FGF7: variants seen among roughly 807,000 people sequenced by gnomAD.
FGF7 encodes FGF-7.
Under a neutral mutation model 20.5 loss-of-function variants are expected in FGF7, and 6 were observed. The observed-to-expected ratio is 0.29, with a 90% CI of 0.16 to 0.58. The LOEUF (loss-of-function observed/expected upper bound fraction) is 0.58, where lower values mean the gene tolerates loss of function less well. Ranked by LOEUF, FGF7 falls within the 20% of genes least tolerant of loss-of-function variation. The pLI is 0.90. For missense variants in FGF7, 144 were observed against 228.8 expected (o/e 0.63, Z 2.39); for synonymous variants, 64 against 74.7 (o/e 0.86, Z 0.74).
chr15:49,455,584 G>T (rs1002067116), intron 2 of FGF7, among the ~76,000 whole-genome samples: 8 of 152,024 alleles, frequency 5.3e-5, no homozygotes, highest in Non-Finnish European at 2.9e-5. Context: ...TTATAAAAAA[G>T]TTTTTGGATT....
intron 2 of FGF7, among the ~76,000 whole-genome samples, chr15:49,429,083 A>G (rs906618052): frequency 6.6e-6 from 1 of 152,060 alleles, no homozygotes; most frequent in African/African-American, 2.4e-5. Flanking sequence ...CTTATATTCT[A>G]AACAGTTCTT....
chr15:49,482,145 A>G (rs2056008005), intron 2 of FGF7, among the ~76,000 whole-genome samples: 1 of 152,126 alleles, frequency 6.6e-6, no homozygotes, highest in Admixed American at 6.6e-5. Context: ...ATGTCTCAGG[A>G]CTGTACCTTC....
chr15:49,447,362 TAAG>T lies in FGF7; in HGVS notation c.286+22786_286+22788del, dbSNP rs368248224. On this transcript the variant is annotated intron_variant, in intron 2 of 3. Transcript: ENST00000267843. The stretch of plus-strand genomic sequence containing the variant: ...AATACATTTTGAGCTTCTGTGAGGT[TAAG>T]AAGAAGTAAGCAAAGATCACAGAGC... 2.3e-4 allele frequency among the ~76,000 whole-genome samples: 35 copies of T among 151,744 alleles called. No individual in the cohort carries two copies. In the East Asian group the frequency reaches 4.1e-3, roughly 18 times the overall value.
rs1440128302 is a variant in FGF7 at position 49,488,355 on chromosome 15, A to G, written c.*3851A>G. 2 of 151,978 alleles carry G rather than the reference A, an allele frequency of 1.3e-5. No individual in the cohort carries two copies. Among genetic ancestry groups the G allele is most frequent in the Non-Finnish European group, 2.9e-5 (2 of 67,934 alleles). 9.4% of individuals were successfully genotyped at this position (151,978 alleles called of 1,614,324 possible). On this transcript the variant is annotated 3_prime_UTR_variant, in exon 4 of 4. Transcript: ENST00000267843. The stretch of plus-strand genomic sequence containing the variant: ...AGGTCACTTGTTCCTTCAGGGACAC[A>G]TATACTCCCACCTATCCTTTAATTT...
At position 49,471,520 on chromosome 15, in the gene FGF7, T is replaced by C. The variant is rs940413131; in HGVS notation, c.287-11631T>C. On this transcript the variant is annotated intron_variant, in intron 2 of 3. Transcript: ENST00000267843. ...ATAATAATAATAATAATAATAATAA[T>C]AATAATAATAATATGGCAAATGTAA... Among the ~76,000 whole-genome samples, 132 of 147,716 alleles carry C rather than the reference T, an allele frequency of 8.9e-4. 4 individuals carry two copies. The South Asian group carries it at 0.027, about 30-fold the overall frequency.
intron 2 of FGF7, among the ~76,000 whole-genome samples, chr15:49,479,957 C>G (rs1358790164): frequency 6.6e-6 from 1 of 152,166 alleles, no homozygotes; most frequent in Non-Finnish European, 1.5e-5. Flanking sequence ...TTGAAAGGAA[C>G]ATCACTCCCC....
intron 2 of FGF7, among the ~76,000 whole-genome samples, chr15:49,438,902 A>G (rs991280324): frequency 2.0e-5 from 3 of 151,580 alleles, no homozygotes; most frequent in African/African-American, 7.3e-5. Context: ...AGAGAGAGAA[A>G]AAGAGAGAGA....
At chr15:49,440,902 A>G (rs2051575952) in intron 2 of FGF7, among the ~76,000 whole-genome samples, 1 of 151,784 alleles carries the variant, frequency 6.6e-6, no homozygotes, top group South Asian at 2.1e-4. Context: ...TAAGTTTTCT[A>G]TCAAGATGAT....
chr15:49,434,864 TAAA>T (rs1036091755), intron 2 of FGF7, among the ~76,000 whole-genome samples: 2 of 151,270 alleles, frequency 1.3e-5, no homozygotes, highest in Admixed American at 6.6e-5. Context: ...AATTAATTAA[TAAA>T]AAAGAGAACC....
chr15:49,464,533 T>C (rs900589370), intron 2 of FGF7, among the ~76,000 whole-genome samples: 1 of 152,158 alleles, frequency 6.6e-6, no homozygotes, highest in Admixed American at 6.6e-5. Flanking sequence ...AACATTTATA[T>C]ATAGGTAGGC....
intron 2 of FGF7, among the ~76,000 whole-genome samples, chr15:49,462,680 C>T (rs141761444): frequency 4.6e-5 from 7 of 152,290 alleles, no homozygotes; most frequent in African/African-American, 1.7e-4. Flanking sequence ...TCTATGACTG[C>T]TCTTCCTTCC....
chr15:49,476,061 T>C (rs1251602379), intron 2 of FGF7, among the ~76,000 whole-genome samples: 2 of 152,170 alleles, frequency 1.3e-5, no homozygotes, highest in Non-Finnish European at 2.9e-5. Flanking sequence ...TTGCACATAG[T>C]ACTTTTATCT....
chr15:49,436,118 TCTAA>T (rs2051084333), intron 2 of FGF7, among the ~76,000 whole-genome samples: 1 of 151,542 alleles, frequency 6.6e-6, no homozygotes, highest in African/African-American at 2.4e-5. Context: ...GTATATAAAT[TCTAA>T]CTGTTTTAAA....
chr15:49,447,380 G>C (rs2052321176), intron 2 of FGF7, among the ~76,000 whole-genome samples: 1 of 151,606 alleles, frequency 6.6e-6, no homozygotes, highest in Admixed American at 6.6e-5. Context: ...AGTAAGCAAA[G>C]ATCACAGAGC....
chr15:49,475,972 T>C (rs1366160706), intron 2 of FGF7, among the ~76,000 whole-genome samples: 1 of 152,200 alleles, frequency 6.6e-6, no homozygotes, highest in Non-Finnish European at 1.5e-5. Flanking sequence ...CTCACTATTT[T>C]GTTACACTTC....
chr15:49,458,616 G>C (rs1186200358), intron 2 of FGF7, among the ~76,000 whole-genome samples: 1 of 151,986 alleles, frequency 6.6e-6, no homozygotes, highest in African/African-American at 2.4e-5. Flanking sequence ...AAATCAGAGG[G>C]AACTTTATGT....
chr15:49,447,722 T>G (rs1203599128), intron 2 of FGF7, among the ~76,000 whole-genome samples: 3 of 151,670 alleles, frequency 2.0e-5, no homozygotes, highest in African/African-American at 7.3e-5. Flanking sequence ...TGTTAATACT[T>G]GAGAAAATTT....
rs1271113060 is a variant in FGF7 at position 49,486,048 on chromosome 15, T to C, written c.*1544T>C. On this transcript the variant is annotated 3_prime_UTR_variant, in exon 4 of 4. Coordinates refer to ENST00000267843, the MANE Select transcript of FGF7 (RefSeq NM_002009.4). ...GAATTTCCACTTCAAAAGTCTTTCA[T>C]TGGCAGATCTTGGTAGCACTTTATA... 1.3e-5 allele frequency: 2 copies of C among 152,022 alleles called. No homozygotes were observed. Among genetic ancestry groups the C allele is most frequent in the African/African-American group, 4.8e-5 (2 of 41,426 alleles). 9.4% of individuals were successfully genotyped at this position (152,022 alleles called of 1,614,324 possible).
chr15:49,483,777 T>C (rs1167733440), intron 3 of FGF7, among the ~76,000 whole-genome samples: 1 of 152,080 alleles, frequency 6.6e-6, no homozygotes, highest in East Asian at 1.9e-4. Context: ...TGGCTTTCCT[T>C]TGTATTCCCA....
Sources: allele counts gnomAD v4.1 joint callset (sites outside exome capture counted in the v4.1 genomes callset), GRCh38; gene constraint gnomAD v4.1.1; transcripts MANE v1.5; gene names NCBI Gene and HGNC (gene_info 2026-07-23, HGNC 2026-07-21).